PSMA7: variants seen among roughly 807,000 people sequenced by gnomAD.
PSMA7 encodes the protein proteasome subunit alpha type-7.
Under a neutral mutation model 31.3 loss-of-function variants are expected in PSMA7, and 5 were observed. That is an observed-to-expected ratio of 0.16 (90% CI 0.08 to 0.34). The LOEUF is 0.34. PSMA7 is among the 10% of genes least tolerant of loss of function. PSMA7 has a pLI of 1.00. For synonymous variants in PSMA7, 155 were observed against 121.9 expected (o/e 1.27, Z -1.79); for missense variants, 217 against 327.5 (o/e 0.66, Z 2.60).
chr20:62,139,692 T>G, intron 3 of PSMA7, 89 bp downstream of exon 3: 2 of 1,597,544 alleles, frequency 1.3e-6, no homozygotes, highest in Non-Finnish European at 1.7e-6. Flanking sequence ...GTTTTCTGAT[T>G]CACCTGAAGT....
At chr20:62,139,642 T>C in intron 3 of PSMA7, 139 bp downstream of exon 3, 2 of 1,411,310 alleles carry the variant, frequency 1.4e-6, no homozygotes, top group South Asian at 2.4e-5. Context: ...AAGTTACACT[T>C]GTGCAAGTCA....
chr20:62,137,563 G>A (rs2145662352), intron 5 of PSMA7, 137 bp from the exon 6 acceptor site: 1 of 810,102 alleles, frequency 1.2e-6, no homozygotes, highest in Non-Finnish European at 2.1e-6. Flanking sequence ...CCCAAAACCT[G>A]TGTCTTTGTC....
At chr20:62,137,297 G>GT in intron 6 of PSMA7, 67 bp downstream of exon 6, 1 of 1,495,834 alleles carries the variant, frequency 6.7e-7, no homozygotes, top group South Asian at 1.1e-5. Context: ...TTCGGAACTG[G>GT]TACTGCTCAG....
At chr20:62,140,480 G>T (rs1015387063) in intron 2 of PSMA7, among the ~76,000 whole-genome samples, 6 of 152,206 alleles carry the variant, frequency 3.9e-5, no homozygotes, top group African/African-American at 1.4e-4. Context: ...GGCAGGACGT[G>T]GTTCTGTCCT....
intron 4 of PSMA7, among the ~76,000 whole-genome samples, chr20:62,138,574 G>A (rs1157326242): frequency 6.9e-6 from 1 of 144,290 alleles, no homozygotes; most frequent in African/African-American, 2.6e-5. Context: ...TTTTTTTTGA[G>A]GTAGAGTTTT....
intron 3 of PSMA7, chr20:62,139,444 C>A (rs1259172397): frequency 6.2e-6 from 4 of 643,580 alleles, no homozygotes; most frequent in Non-Finnish European, 1.1e-5. Flanking sequence ...CAGGTAGACA[C>A]ACATTCTGCT....
intron 4 of PSMA7, 114 bp from the exon 5 acceptor site, chr20:62,138,404 G>T: frequency 1.5e-6 from 2 of 1,358,300 alleles, no homozygotes; most frequent in Non-Finnish European, 2.0e-6. Flanking sequence ...CAGGAGGCAA[G>T]CTGGAGTGCT....
chr20:62,138,303 C>A lies in PSMA7; in HGVS notation c.472-13G>T, dbSNP rs566074513. The A allele has an allele frequency of 6.3e-7, 1 of 1,593,450 alleles. No individual in the cohort carries two copies. The highest frequency in any genetic ancestry group is 8.6e-7 in the Non-Finnish European group (1 of 1,168,156). The stretch of plus-strand genomic sequence containing the variant: ...CTATGGCATTGGCCTAAAACAGACA[C>A]GTATGTTCTCACGTGGCATAGGGCA... On this transcript the variant is annotated splice_polypyrimidine_tract_variant and intron_variant, in intron 4 of 6. Transcript: ENST00000370873.
intron 3 of PSMA7, 78 bp downstream of exon 3, chr20:62,139,703 G>A: frequency 6.2e-7 from 1 of 1,607,614 alleles, no homozygotes. Flanking sequence ...CACCTGAAGT[G>A]ACATGGCAGG....
chr20:62,136,785 A>T lies in PSMA7; in HGVS notation c.*72T>A. On this transcript the variant is annotated 3_prime_UTR_variant, in exon 7 of 7. Coordinates refer to ENST00000370873, the MANE Select transcript of PSMA7 (RefSeq NM_002792.4). ...CACTCAGTGTGAATAAATGGAATGG[A>T]AAGGCCTACACATCGAGACTCATCC... 2 of 1,525,090 alleles carry T rather than the reference A, an allele frequency of 1.3e-6. No homozygotes were observed. The highest frequency in any genetic ancestry group is 8.8e-7 in the Non-Finnish European group (1 of 1,141,642). 94.5% of individuals were successfully genotyped at this position (1,525,090 alleles called of 1,614,324 possible). A position where few individuals can be genotyped will look rare whatever the true frequency, so the allele number is the denominator to read the frequency against.
intron 3 of PSMA7, 143 bp downstream of exon 3, chr20:62,139,638 C>T (rs1466898140): frequency 2.9e-6 from 4 of 1,383,216 alleles, no homozygotes; most frequent in Admixed American, 1.8e-5. Flanking sequence ...GGTCAAGTTA[C>T]ACTTGTGCAA....
chr20:62,140,876 A>G lies in PSMA7; in HGVS notation c.165T>C (p.Asp55=). The G allele has an allele frequency of 6.2e-7, 1 of 1,614,234 alleles. No individual in the cohort carries two copies. Among genetic ancestry groups the G allele is most frequent in the South Asian group, 1.1e-5 (1 of 91,084 alleles). The change falls in exon 2 of 7, where the codon GAT becomes GAC. Residue 55 remains aspartate (D), a synonymous_variant. Coordinates refer to ENST00000370873, the MANE Select transcript of PSMA7 (RefSeq NM_002792.4). ...CACAGATCTTCCGCACTGTTCTTTC[A>G]TCCTGCAGTTTGGCCACTGACTTCT... ...VEKKSVAKLQ[D]ERTVRKICAL...
In PSMA7 at chr20:62,143,314, G is replaced by A. The variant is rs761172556; in HGVS notation, c.-11C>T. On this transcript the variant is annotated 5_prime_UTR_variant, in exon 1 of 7. Coordinates refer to ENST00000370873, the MANE Select transcript of PSMA7 (RefSeq NM_002792.4). Reference sequence around the variant, plus strand: ...GCGGTCGTAGCTCATGCCGGCGGGCGGCGGCCGGGCTCCTTCCGCCGCGAC... The same window carrying A: ...GCGGTCGTAGCTCATGCCGGCGGGCAGCGGCCGGGCTCCTTCCGCCGCGAC... 2.2e-6 allele frequency: 3 copies of A among 1,394,114 alleles called. No homozygotes were observed. Among genetic ancestry groups the A allele is most frequent in the African/African-American group, 3.0e-5 (2 of 65,672 alleles). The allele number at this position is 1,394,114 out of a possible 1,614,324, so 86.4% of individuals were successfully genotyped here.
intron 4 of PSMA7, among the ~76,000 whole-genome samples, chr20:62,138,778 G>C (rs537785116): frequency 6.6e-6 from 1 of 151,986 alleles, no homozygotes; most frequent in Non-Finnish European, 1.5e-5. Flanking sequence ...GGCTGGTCTC[G>C]AACACCTGAC....
At chr20:62,139,413 G>A (rs747120906) in intron 3 of PSMA7, 15 of 674,976 alleles carry the variant, frequency 2.2e-5, no homozygotes, top group Non-Finnish European at 3.7e-5. Context: ...TGTGAACTCA[G>A]GTTACTGGAA....
intron 5 of PSMA7, among the ~76,000 whole-genome samples, chr20:62,137,771 A>G (rs370089948): frequency 9.7e-4 from 148 of 152,226 alleles, no homozygotes; most frequent in African/African-American, 3.3e-3. Context: ...ACCTGCTAGC[A>G]CTTCAAGGTC....
At position 62,143,275 on chromosome 20, in the gene PSMA7, A is replaced by G; in HGVS notation, c.29T>C (p.Phe10Ser). The change falls in exon 1 of 7, where the codon TTC (phenylalanine) becomes TCC (serine). Residue 10 changes from phenylalanine to serine, a missense_variant. Physicochemically the swap from Phe to Ser is radical, Grantham distance 155. This residue lies in a region of PSMA7 where 76 missense variants were observed against 96.5 expected (regional missense o/e 0.79). Transcript: ENST00000370873. ...TTGGAAGAGGTGGCCGTCGGGCGAG[A>G]AGACGGTGATGGCGCGGTCGTAGCT... MSYDRAITV[F>S]SPDGHLFQVE... The G allele has an allele frequency of 1.4e-6, 2 of 1,471,808 alleles. No individual in the cohort carries two copies. The highest frequency in any genetic ancestry group is 6.2e-5 in the East Asian group (2 of 32,442). The allele number at this position is 1,471,808 out of a possible 1,614,324, so 91.2% of individuals were successfully genotyped here. A position where few individuals can be genotyped will look rare whatever the true frequency, so the allele number is the denominator to read the frequency against.
intron 1 of PSMA7, 35 bp downstream of exon 1, chr20:62,143,173 G>T: frequency 1.5e-6 from 2 of 1,315,740 alleles, no homozygotes; most frequent in Non-Finnish European, 2.0e-6. Flanking sequence ...ACTTCCGCCC[G>T]CGTCCCCGGC....
chr20:62,139,274 T>TA, intron 3 of PSMA7, 77 bp from the exon 4 acceptor site: 1 of 1,540,646 alleles, frequency 6.5e-7, no homozygotes, highest in Non-Finnish European at 8.8e-7. Context: ...TTAGTGAAGA[T>TA]ACGAACATTT....
Sources: gnomAD v4.1 joint callset for allele counts (sites outside exome capture counted in the v4.1 genomes callset) on GRCh38, gnomAD v4.1.1 for gene constraint, gnomAD v4.1.1 regional missense constraint, MANE v1.5 for transcripts, NCBI Gene and HGNC (gene_info 2026-07-23, HGNC 2026-07-21) for gene names.